The following SLC24A2 variants were observed in gnomAD, a reference collection of about 807,000 sequenced individuals.
The protein encoded by SLC24A2 is solute carrier family 24 member 2.
SLC24A2 carries 36 observed loss-of-function variants against 62.0 expected under a neutral mutation model. The ratio of observed to expected loss-of-function variants is 0.58; its 90% CI spans 0.44 to 0.77. SLC24A2 has a LOEUF of 0.77. Among genes scored for constraint, SLC24A2 ranks in the 30% least tolerant of loss-of-function variants. SLC24A2 has a pLI of 0.00. For missense variants in SLC24A2, 846 were observed against 817.9 expected (o/e 1.03, Z -0.42); for synonymous variants, 358 against 294.0 (o/e 1.22, Z -2.23).
At chr9:19,575,187 A>T (rs1377927822) in intron 6 of SLC24A2, among the ~76,000 whole-genome samples, 2 of 152,212 alleles carry the variant, frequency 1.3e-5, no homozygotes, top group Non-Finnish European at 2.9e-5. Context: ...TATCTTTCCA[A>T]GTTTTTAGTA....
intron 5 of SLC24A2, among the ~76,000 whole-genome samples, chr9:19,578,240 A>C (rs1836090587): frequency 6.6e-6 from 1 of 152,088 alleles, no homozygotes; most frequent in South Asian, 2.1e-4. Flanking sequence ...TGGAAACATA[A>C]AAAAAGTTAC....
the SLC24A2 span, among the ~76,000 whole-genome samples, chr9:19,846,202 C>A: frequency 6.6e-6 from 1 of 152,028 alleles, no homozygotes; most frequent in African/African-American, 2.4e-5. Flanking sequence ...TTGAAGTCAC[C>A]CATTATTATT....
At chr9:20,241,880 T>C in the SLC24A2 span, among the ~76,000 whole-genome samples, 8 of 152,134 alleles carry the variant, frequency 5.3e-5, no homozygotes, top group Admixed American at 2.0e-4. Context: ...GGCTGCAACA[T>C]CAATCGCCAC....
chr9:19,529,686 G>A (rs948827745), intron 8 of SLC24A2, among the ~76,000 whole-genome samples: 10 of 151,020 alleles, frequency 6.6e-5, no homozygotes, highest in South Asian at 2.1e-4. Flanking sequence ...GGACCTAAGC[G>A]CTTTAATGGG....
chr9:19,590,269 T>C (rs1015438127), intron 5 of SLC24A2, among the ~76,000 whole-genome samples: 2 of 152,198 alleles, frequency 1.3e-5, no homozygotes, highest in Admixed American at 6.5e-5. Context: ...CAGACCCTCA[T>C]ATCCAGATGG....
chr9:20,182,758 T>G, the SLC24A2 span, among the ~76,000 whole-genome samples: 1 of 152,162 alleles, frequency 6.6e-6, no homozygotes, highest in South Asian at 2.1e-4. Flanking sequence ...GTTGTGCACA[T>G]GTACCCCAGA....
chr9:19,857,867 A>G, the SLC24A2 span, among the ~76,000 whole-genome samples: 1 of 151,930 alleles, frequency 6.6e-6, no homozygotes, highest in African/African-American at 2.4e-5. Flanking sequence ...TACTGTTGCT[A>G]TATTTTTCCT....
chr9:19,772,470 A>G (rs1343116546), intron 2 of SLC24A2, among the ~76,000 whole-genome samples: 1 of 152,208 alleles, frequency 6.6e-6, no homozygotes, highest in Admixed American at 6.5e-5. Flanking sequence ...TGCAAACCAT[A>G]TATCTGATAA....
At chr9:19,820,142 G>A in the SLC24A2 span, among the ~76,000 whole-genome samples, 5 of 147,684 alleles carry the variant, frequency 3.4e-5, no homozygotes, top group Admixed American at 6.8e-5. Context: ...CAGTGACTTG[G>A]ATGAGATTGG....
the SLC24A2 span, among the ~76,000 whole-genome samples, chr9:20,027,950 A>C: frequency 3.9e-5 from 6 of 152,192 alleles, no homozygotes; most frequent in African/African-American, 1.4e-4. Flanking sequence ...TCAGTGATAC[A>C]ATAAGTAAAG....
At chr9:20,108,799 G>A in the SLC24A2 span, among the ~76,000 whole-genome samples, 2 of 152,080 alleles carry the variant, frequency 1.3e-5, no homozygotes, top group African/African-American at 2.4e-5. Context: ...GTATACATAT[G>A]TAACTAACCT....
chr9:19,737,254 C>T (rs1821537199), intron 2 of SLC24A2, among the ~76,000 whole-genome samples: 1 of 152,148 alleles, frequency 6.6e-6, no homozygotes, highest in African/African-American at 2.4e-5. Flanking sequence ...AGAAAACTGT[C>T]AAAATATATT....
At chr9:19,701,977 G>A (rs190234577) in intron 2 of SLC24A2, among the ~76,000 whole-genome samples, 8 of 152,156 alleles carry the variant, frequency 5.3e-5, no homozygotes, top group Non-Finnish European at 1.2e-4. Flanking sequence ...AAAGTTACAA[G>A]GTACATAGAG....
the SLC24A2 span, among the ~76,000 whole-genome samples, chr9:19,808,577 G>A: frequency 2.0e-5 from 3 of 152,164 alleles, no homozygotes; most frequent in African/African-American, 7.2e-5. The surrounding 1 kb of genome is among the most constrained non-coding windows in gnomAD (Gnocchi z 4.1). Flanking sequence ...ATGGATGTCT[G>A]GTAGGCAGAC....
chr9:19,676,320 C>A (rs933298901), intron 2 of SLC24A2, among the ~76,000 whole-genome samples: 3 of 152,186 alleles, frequency 2.0e-5, no homozygotes, highest in African/African-American at 7.2e-5. Context: ...GTTCTTGGAG[C>A]ACAAGTTCAC....
chr9:19,750,059 C>A (rs1821939202), intron 2 of SLC24A2, among the ~76,000 whole-genome samples: 1 of 152,142 alleles, frequency 6.6e-6, no homozygotes, highest in Non-Finnish European at 1.5e-5. Flanking sequence ...GCTTCCCAGA[C>A]CAGGAGAATC....
the SLC24A2 span, among the ~76,000 whole-genome samples, chr9:20,025,789 G>C: frequency 6.6e-6 from 1 of 152,168 alleles, no homozygotes; most frequent in Non-Finnish European, 1.5e-5. Flanking sequence ...TATAAGAGAG[G>C]TGGAGATGAG....
chr9:20,260,066 G>C, the SLC24A2 span, among the ~76,000 whole-genome samples: 1 of 152,216 alleles, frequency 6.6e-6, no homozygotes, highest in East Asian at 1.9e-4. Flanking sequence ...CTGTGTGACA[G>C]AGTGAGACCC....
At chr9:20,197,780 G>A in the SLC24A2 span, among the ~76,000 whole-genome samples, 1 of 151,992 alleles carries the variant, frequency 6.6e-6, no homozygotes, top group Admixed American at 6.6e-5. Context: ...TGTCAGTGAG[G>A]ACATAAACAA....
Sources: allele counts gnomAD v4.1 joint callset (sites outside exome capture counted in the v4.1 genomes callset), GRCh38; gene constraint gnomAD v4.1.1; non-coding constraint Gnocchi (gnomAD v3.1); transcripts MANE v1.5; gene names NCBI Gene and HGNC (gene_info 2026-07-23, HGNC 2026-07-21).